Variants in TP63 observed in about 807,000 individuals in gnomAD.
TP63 encodes the protein tumor protein p63, also known as tumor protein 63.
In TP63, 17 loss-of-function variants were observed where a neutral mutation model predicts 82.8. That is an observed-to-expected ratio of 0.21 (90% CI 0.14 to 0.31). The LOEUF (loss-of-function observed/expected upper bound fraction) is 0.31. TP63 is among the 10% of genes least tolerant of loss of function. The probability of loss-of-function intolerance (pLI) is 1.00; values close to 1 mark genes in which losing one functional copy is unlikely to be tolerated. For synonymous variants in TP63, 330 were observed against 321.7 expected (o/e 1.03, Z -0.28); for missense variants, 648 against 895.3 (o/e 0.72, Z 3.52).
At chr3:189,722,658 A>C (rs1271048045) in intron 1 of TP63, among the ~76,000 whole-genome samples, 1 of 152,188 alleles carries the variant, frequency 6.6e-6, no homozygotes, top group Admixed American at 6.5e-5. Context: ...AAGCTCATGT[A>C]CCTTCCCCAA....
chr3:189,869,465 T>A (rs2108810195), intron 9 of TP63, 59 bp downstream of exon 9: 4 of 1,424,934 alleles, frequency 2.8e-6, no homozygotes. Flanking sequence ...AATGGGCTTT[T>A]ACAGTATGAT....
At chr3:189,771,381 T>G (rs1042187992) in intron 3 of TP63, among the ~76,000 whole-genome samples, 1 of 137,082 alleles carries the variant, frequency 7.3e-6, no homozygotes, top group African/African-American at 2.7e-5. Context: ...CAATATAGAC[T>G]ATATTATATA....
chr3:189,738,193 C>T (rs550116278), intron 2 of TP63, among the ~76,000 whole-genome samples: 1 of 152,316 alleles, frequency 6.6e-6, no homozygotes, highest in Non-Finnish European at 1.5e-5. Context: ...AATGCAGGTA[C>T]TCACTGAGAA....
chr3:189,631,930 G>A (rs1729485443), intron 1 of TP63, among the ~76,000 whole-genome samples: 1 of 152,096 alleles, frequency 6.6e-6, no homozygotes, highest in Non-Finnish European at 1.5e-5. Flanking sequence ...TAATCTTCAA[G>A]TCAAAATAAA....
intron 3 of TP63, among the ~76,000 whole-genome samples, chr3:189,749,990 G>A (rs62279907): frequency 0.11 from 16,660 of 151,902 alleles, 978 homozygotes; most frequent in South Asian, 0.22. Context: ...CAGGCATGGC[G>A]GCAGGCGCCT....
chr3:189,641,668 T>C (rs1184387978), intron 1 of TP63, among the ~76,000 whole-genome samples: 1 of 152,170 alleles, frequency 6.6e-6, no homozygotes, highest in Non-Finnish European at 1.5e-5. Flanking sequence ...ATTTATTATT[T>C]CCCTTATTTT....
At chr3:189,764,284 G>A (rs1164979343) in intron 3 of TP63, among the ~76,000 whole-genome samples, 2 of 152,110 alleles carry the variant, frequency 1.3e-5, no homozygotes, top group Non-Finnish European at 1.5e-5. Flanking sequence ...TCAGTCTAAC[G>A]AGGAATACAG....
intron 4 of TP63, among the ~76,000 whole-genome samples, chr3:189,855,849 A>T (rs1305691363): frequency 6.6e-6 from 1 of 152,082 alleles, no homozygotes; most frequent in East Asian, 1.9e-4. Flanking sequence ...TGAAATATTA[A>T]TAAAAGGCAG....
At chr3:189,646,029 C>T (rs1166022617) in intron 1 of TP63, among the ~76,000 whole-genome samples, 1 of 147,124 alleles carries the variant, frequency 6.8e-6, no homozygotes, top group Non-Finnish European at 1.5e-5. Flanking sequence ...TTAACAAGAA[C>T]TCAAGGTGAT....
chr3:189,817,177 T>C (rs1034634047), intron 4 of TP63, among the ~76,000 whole-genome samples: 4 of 152,194 alleles, frequency 2.6e-5, no homozygotes, highest in South Asian at 2.1e-4. Context: ...TTGCTTCATG[T>C]GCTGTTCAGC....
chr3:189,696,720 C>T (rs1355883696), intron 1 of TP63, among the ~76,000 whole-genome samples: 2 of 151,992 alleles, frequency 1.3e-5, no homozygotes, highest in Non-Finnish European at 2.9e-5. Context: ...GCTTGGCAGT[C>T]GTTTATACTT....
Position 189,886,517 on chromosome 3 carries a change from T to C in TP63, c.1473T>C (p.Thr491=). ...ACCCTCAGCAGCGCAACGCCCTCACTCCTACAACCATTCCTGATGGCATGG... is the reference window on the plus strand; with the variant it reads ...ACCCTCAGCAGCGCAACGCCCTCACCCCTACAACCATTCCTGATGGCATGG... ...LINPQQRNAL[T]PTTIPDGMGA... The change falls in exon 11 of 14, where the codon ACT becomes ACC. Residue 491 remains threonine (T), a synonymous_variant. Coordinates refer to ENST00000264731, the MANE Select transcript of TP63 (RefSeq NM_003722.5). The C allele has an allele frequency of 6.2e-7, 1 of 1,614,056 alleles. No homozygotes were observed. Among genetic ancestry groups the C allele is most frequent in the Non-Finnish European group, 8.5e-7 (1 of 1,179,994 alleles).
chr3:189,701,602 TGGGA>T (rs895772682), intron 1 of TP63, among the ~76,000 whole-genome samples: 4 of 150,292 alleles, frequency 2.7e-5, no homozygotes, highest in African/African-American at 9.7e-5. Context: ...GCAGGAAATG[TGGGA>T]GGAATACAAA....
At chr3:189,750,731 T>A (rs191363645) in intron 3 of TP63, among the ~76,000 whole-genome samples, 1 of 152,334 alleles carries the variant, frequency 6.6e-6, no homozygotes, top group Admixed American at 6.5e-5. Context: ...AGTTAGGATG[T>A]GTAGTCATTT....
chr3:189,702,381 T>G (rs2108741739), intron 1 of TP63, among the ~76,000 whole-genome samples: 1 of 152,338 alleles, frequency 6.6e-6, no homozygotes, highest in African/African-American at 2.4e-5. Context: ...TTTAGGGTAT[T>G]AGGGAGCTTT....
intron 1 of TP63, among the ~76,000 whole-genome samples, chr3:189,704,542 A>G (rs1376922963): frequency 6.6e-6 from 1 of 152,160 alleles, no homozygotes; most frequent in Non-Finnish European, 1.5e-5. Flanking sequence ...TTCTTCATCC[A>G]ATTGTCAAAG....
At chr3:189,631,872 C>G (rs1373731367) in intron 1 of TP63, among the ~76,000 whole-genome samples, 2 of 152,120 alleles carry the variant, frequency 1.3e-5, no homozygotes, top group African/African-American at 4.8e-5. Context: ...TCAGCACCTA[C>G]TCACTCAATA....
intron 4 of TP63, 103 bp downstream of exon 4, chr3:189,808,629 T>C: frequency 6.3e-7 from 1 of 1,591,874 alleles, no homozygotes; most frequent in South Asian, 1.1e-5. Flanking sequence ...GATTCCATGT[T>C]CATGGTGGAA....
rs549916212 is a variant in TP63, at chr3:189,837,861, G to A, written c.580-26371G>A. 3.9e-5 allele frequency among the ~76,000 whole-genome samples: 6 copies of A among 152,184 alleles called. No homozygotes were observed. The East Asian group carries it at 1.2e-3, about 29-fold the overall frequency. On this transcript the variant is annotated intron_variant, in intron 4 of 13. Transcript: ENST00000264731. ...GCTGGTCTGGAACTCCTGGGCTTAA[G>A]CAATCCTCCCGTCTTGGCCTCCCAA...
Sources: allele counts gnomAD v4.1 joint callset (sites outside exome capture counted in the v4.1 genomes callset), GRCh38; gene constraint gnomAD v4.1.1; transcripts MANE v1.5; gene names NCBI Gene and HGNC (gene_info 2026-07-23, HGNC 2026-07-21).